POLR2M: variants seen among roughly 807,000 people sequenced by gnomAD.
POLR2M encodes RNA polymerase II subunit M.
Under a neutral mutation model 34.6 loss-of-function variants are expected in POLR2M, and 30 were observed. That is an observed-to-expected ratio of 0.87 (90% CI 0.65 to 1.18). POLR2M has a LOEUF of 1.18. Ranked by LOEUF, POLR2M falls within the 50% of genes most tolerant of loss-of-function variation. The probability of loss-of-function intolerance (pLI) is 0.00; values close to 1 mark genes in which losing one functional copy is unlikely to be tolerated. For synonymous variants in POLR2M, 150 were observed against 166.7 expected (o/e 0.90, Z 0.77); for missense variants, 432 against 448.7 (o/e 0.96, Z 0.34).
intron 1 of POLR2M, 154 bp downstream of exon 1, chr15:57,707,109 TG>T: frequency 6.5e-7 from 1 of 1,546,024 alleles, no homozygotes. Flanking sequence ...ACGGAGGGCT[TG>T]CTGCGGCAGA....
intron 3 of POLR2M, among the ~76,000 whole-genome samples, chr15:57,713,339 T>A (rs1378396544): frequency 6.6e-6 from 1 of 152,228 alleles, no homozygotes; most frequent in African/African-American, 2.4e-5. Flanking sequence ...TAGTTATGGC[T>A]GTAGCATTGA....
rs2040945720 is a variant in POLR2M at position 57,716,437 on chromosome 15, A to G, written c.*1758A>G. 6.6e-6 allele frequency: 1 copy of G among 152,278 alleles called. No individual in the cohort carries two copies. The highest frequency in any genetic ancestry group is 1.5e-5 in the Non-Finnish European group (1 of 68,042). The allele number at this position is 152,278 out of a possible 1,614,324, so 9.4% of individuals were successfully genotyped here. A position where few individuals can be genotyped will look rare whatever the true frequency, so the allele number is the denominator to read the frequency against. ...TCTAAAAATGAAATTGTTAGGTGAA[A>G]GTGTTTTTGAGAATTTTTATATATA... On this transcript the variant is annotated 3_prime_UTR_variant, in exon 4 of 4. Transcript: ENST00000299638.
Position 57,714,577 on chromosome 15 carries a change from A to G in POLR2M, c.1005A>G (p.Arg335=). 1 of 1,613,886 alleles carries G rather than the reference A, an allele frequency of 6.2e-7. No homozygotes were observed. The highest frequency in any genetic ancestry group is 8.5e-7 in the Non-Finnish European group (1 of 1,179,874). Residue 335 remains arginine (R), a synonymous_variant, in exon 4 of 4, where the codon AGA becomes AGG. Transcript: ENST00000299638. ...TCGCAGCGCAAAAATTAGCTGAAAGACTGAATATTAAAATGCGGAGTTATA... is the reference window on the plus strand; with the variant it reads ...TCGCAGCGCAAAAATTAGCTGAAAGGCTGAATATTAAAATGCGGAGTTATA... ...AKLAAQKLAE[R]LNIKMRSYNP... is the part of the protein sequence containing the mutation.
chr15:57,707,515 AAGC>A (rs2140807011), intron 1 of POLR2M: 1 of 483,294 alleles, frequency 2.1e-6, no homozygotes, highest in African/African-American at 1.9e-5. Flanking sequence ...AAGGAATAAA[AAGC>A]AGAAGACAGT....
chr15:57,708,962 T>C lies in POLR2M; in HGVS notation c.362T>C (p.Ile121Thr). ...CCTGGATGTTCCTCTGTAGATAACA[T>C]CAAGTCATCTCAAACCTCACAAAAC... ...LVPGCSSVDN[I>T]KSSQTSQNQG... The change falls in exon 2 of 4, where the codon ATC (isoleucine) becomes ACC (threonine). Residue 121 changes from isoleucine to threonine, a missense_variant. Physicochemically the swap from Ile to Thr is moderately conservative, Grantham distance 89. Coordinates refer to ENST00000299638, the MANE Select transcript of POLR2M (RefSeq NM_015532.5). 1 of 1,614,120 alleles carries C rather than the reference T, an allele frequency of 6.2e-7. No individual in the cohort carries two copies. Among genetic ancestry groups the C allele is most frequent in the Non-Finnish European group, 8.5e-7 (1 of 1,179,974 alleles).
At chr15:57,712,534 T>C (rs1302915895) in intron 3 of POLR2M, among the ~76,000 whole-genome samples, 1 of 152,166 alleles carries the variant, frequency 6.6e-6, no homozygotes, top group African/African-American at 2.4e-5. Flanking sequence ...TGACAGCTTC[T>C]CAGTGGCGGA....
chr15:57,714,798 G>C lies in POLR2M; in HGVS notation c.*119G>C. 1 of 1,477,742 alleles carries C rather than the reference G, an allele frequency of 6.8e-7. No homozygotes were observed. The highest frequency in any genetic ancestry group is 9.0e-7 in the Non-Finnish European group (1 of 1,107,090). 91.5% of individuals were successfully genotyped at this position (1,477,742 alleles called of 1,614,324 possible). On this transcript the variant is annotated 3_prime_UTR_variant, in exon 4 of 4. Transcript: ENST00000299638. Reference sequence around the variant, plus strand: ...AAGTAATTTTATAAAGTTACACAAAGGTAGTTATAAAAAAAGCCCAGTTTG... The same window carrying C: ...AAGTAATTTTATAAAGTTACACAAACGTAGTTATAAAAAAAGCCCAGTTTG...
chr15:57,710,544 C>T (rs536739479), intron 2 of POLR2M, among the ~76,000 whole-genome samples: 12 of 152,342 alleles, frequency 7.9e-5, no homozygotes, highest in African/African-American at 2.6e-4. Flanking sequence ...GATTATACTA[C>T]ATTAACGTGA....
chr15:57,716,003 C>T lies in POLR2M; in HGVS notation c.*1324C>T, dbSNP rs1324252872. The T allele has an allele frequency of 9.8e-5, 15 of 152,298 alleles. No homozygotes were observed. The highest frequency in any genetic ancestry group is 2.1e-4 in the Non-Finnish European group (14 of 68,058). The allele number at this position is 152,298 out of a possible 1,614,324, so 9.4% of individuals were successfully genotyped here. ...AAACGAATAGTAAATGATTTCACAG[C>T]GTAAAATTTGATGTTATTTCTGGAA... On this transcript the variant is annotated 3_prime_UTR_variant, in exon 4 of 4. Coordinates refer to ENST00000299638, the MANE Select transcript of POLR2M (RefSeq NM_015532.5).
intron 2 of POLR2M, among the ~76,000 whole-genome samples, chr15:57,711,033 C>A (rs879532031): frequency 2.0e-5 from 3 of 152,198 alleles, no homozygotes; most frequent in Non-Finnish European, 4.4e-5. Flanking sequence ...AACCATGAAA[C>A]TTGATCACTT....
At position 57,712,022 on chromosome 15, in the gene POLR2M, A is replaced by G; in HGVS notation, c.797A>G (p.Gln266Arg). 1 of 1,614,064 alleles carries G rather than the reference A, an allele frequency of 6.2e-7. No individual in the cohort carries two copies. Among genetic ancestry groups the G allele is most frequent in the Non-Finnish European group, 8.5e-7 (1 of 1,179,926 alleles). Residue 266 changes from glutamine to arginine, a missense_variant, in exon 3 of 4, where the codon CAG becomes CGG. Physicochemically the swap from Gln to Arg is conservative, Grantham distance 43. Transcript: ENST00000299638. The stretch of plus-strand genomic sequence containing the variant: ...CAAAATGATTCATCTAGTCATTGCC[A>G]GAAGAGTGGGTCTCCTATTTCCTCA... ...FRQNDSSSHC[Q>R]KSGSPISSEE...
In POLR2M at chr15:57,714,570, C is replaced by G. The variant is rs1332122807; in HGVS notation, c.998C>G (p.Ala333Gly). The G allele has an allele frequency of 1.2e-6, 2 of 1,613,786 alleles. No individual in the cohort carries two copies. Among genetic ancestry groups the G allele is most frequent in the Non-Finnish European group, 1.7e-6 (2 of 1,179,840 alleles). The change falls in exon 4 of 4, where the codon GCT (alanine) becomes GGT (glycine). Residue 333 changes from alanine to glycine, a missense_variant. By Grantham distance (60) the Ala-to-Gly change is moderately conservative. Coordinates refer to ENST00000299638, the MANE Select transcript of POLR2M (RefSeq NM_015532.5). Reference sequence around the variant, plus strand: ...GCAAAGCTCGCAGCGCAAAAATTAGCTGAAAGACTGAATATTAAAATGCGG... The same window carrying G: ...GCAAAGCTCGCAGCGCAAAAATTAGGTGAAAGACTGAATATTAAAATGCGG... ...MQAKLAAQKLAERLNIKMRSY... is the reference protein window; with the variant it reads ...MQAKLAAQKLGERLNIKMRSY...
Position 57,708,866 on chromosome 15 carries a change from T to C in POLR2M, c.266T>C (p.Ile89Thr). 1 of 1,613,982 alleles carries C rather than the reference T, an allele frequency of 6.2e-7. No individual in the cohort carries two copies. Among genetic ancestry groups the C allele is most frequent in the Non-Finnish European group, 8.5e-7 (1 of 1,179,878 alleles). The change falls in exon 2 of 4, where the codon ATT becomes ACT. Residue 89 changes from isoleucine to threonine, a missense_variant. By Grantham distance (89) the Ile-to-Thr change is moderately conservative. Coordinates refer to ENST00000299638, the MANE Select transcript of POLR2M (RefSeq NM_015532.5). ...SLDCKLRQKA[I>T]AEVDVGTDKA... ...GACTGTAAGCTAAGGCAAAAAGCAA[T>C]TGCAGAAGTTGATGTGGGTACAGAT...
Position 57,714,669 on chromosome 15 carries a change from A to G in POLR2M, c.1097A>G (p.Asp366Gly). 6.2e-7 allele frequency: 1 copy of G among 1,611,208 alleles called. No individual in the cohort carries two copies. Among genetic ancestry groups the G allele is most frequent in the Non-Finnish European group, 8.5e-7 (1 of 1,179,470 alleles). Residue 366 changes from aspartate to glycine, a missense_variant, in exon 4 of 4, where the codon GAT becomes GGT. Transcript: ENST00000299638. Reference protein sequence around the residue: ...VRDEDDDWSSDEF With the variant: ...VRDEDDDWSSGEF ...GATGAAGATGACGATTGGTCCTCTG[A>G]TGAATTCTGAAGATAATCTCCTAAA...
At chr15:57,707,998 C>T (rs2040560456) in intron 1 of POLR2M, among the ~76,000 whole-genome samples, 2 of 152,126 alleles carry the variant, frequency 1.3e-5, no homozygotes, top group South Asian at 4.1e-4. Flanking sequence ...CTCTGTCATC[C>T]AGCAAAAGGG....
chr15:57,712,194 T>C lies in POLR2M; in HGVS notation c.963+6T>C, dbSNP rs752023716. 5 of 1,613,764 alleles carry C rather than the reference T, an allele frequency of 3.1e-6. No homozygotes were observed. Among genetic ancestry groups the C allele is most frequent in the South Asian group, 1.1e-5 (1 of 90,976 alleles). The stretch of plus-strand genomic sequence containing the variant: ...AGCAGAAACAGAATTATGAGGTATT[T>C]AGAGTATTTTTTTTCTTGTCTGTTT... On this transcript the variant is annotated splice_donor_region_variant and intron_variant, in intron 3 of 3. Coordinates refer to ENST00000299638, the MANE Select transcript of POLR2M (RefSeq NM_015532.5).
At chr15:57,714,343 C>T (rs1240332248) in intron 3 of POLR2M, among the ~76,000 whole-genome samples, 193 bp from the exon 4 acceptor site, 1 of 152,080 alleles carries the variant, frequency 6.6e-6, no homozygotes, top group Non-Finnish European at 1.5e-5. Flanking sequence ...TCAACTGTAG[C>T]AGGCTGGTGG....
chr15:57,712,617 G>T (rs1476478703), intron 3 of POLR2M, among the ~76,000 whole-genome samples: 2 of 152,176 alleles, frequency 1.3e-5, no homozygotes, highest in African/African-American at 4.8e-5. Flanking sequence ...CAGTACAGGG[G>T]AGGGCATAGA....
At position 57,709,336 on chromosome 15, in the gene POLR2M, C is replaced by A. The variant is rs777202389; in HGVS notation, c.736C>A (p.Leu246Met). The part of the protein sequence containing the change: ...EMRAKNPVPQ[L>M]RKFKTNVLPF... ...GCGAGCCAAAAACCCAGTGCCCCAGCTGCGTAAATTTAAAACCAATGTGTA... is the reference window on the plus strand; with the variant it reads ...GCGAGCCAAAAACCCAGTGCCCCAGATGCGTAAATTTAAAACCAATGTGTA... The change falls in exon 2 of 4, where the codon CTG becomes ATG. Residue 246 changes from leucine (L) to methionine (M), a missense_variant. Leu to Met is a conservative substitution (Grantham distance 15, BLOSUM62 2). Coordinates refer to ENST00000299638, the MANE Select transcript of POLR2M (RefSeq NM_015532.5). The A allele has an allele frequency of 1.2e-6, 2 of 1,613,220 alleles. No homozygotes were observed. The highest frequency in any genetic ancestry group is 1.7e-6 in the Non-Finnish European group (2 of 1,179,604).
Sources: gnomAD v4.1 joint callset for allele counts (sites outside exome capture counted in the v4.1 genomes callset) on GRCh38, gnomAD v4.1.1 for gene constraint, MANE v1.5 for transcripts, NCBI Gene and HGNC (gene_info 2026-07-23, HGNC 2026-07-21) for gene names.